Variants in AS3MT observed in about 807,000 individuals in gnomAD.
AS3MT encodes the protein arsenite methyltransferase.
In AS3MT, 47 loss-of-function variants were observed where a neutral mutation model predicts 45.3. That is an observed-to-expected ratio of 1.04 (90% CI 0.82 to 1.32). The LOEUF (loss-of-function observed/expected upper bound fraction) is 1.32, where lower values mean the gene tolerates loss of function less well. Among genes scored for constraint, AS3MT ranks in the 40% most tolerant of loss-of-function variants. The pLI is 0.00. For missense variants in AS3MT, 396 were observed against 451.1 expected, an observed-to-expected ratio of 0.88 and a Z score of 1.11; for synonymous variants, 141 against 152.8, an observed-to-expected ratio of 0.92 and a Z score of 0.57.
At chr10:102,883,181 A>T (rs1844894615) in intron 9 of AS3MT, among the ~76,000 whole-genome samples, 1 of 150,980 alleles carries the variant, frequency 6.6e-6, no homozygotes, top group South Asian at 2.1e-4. Context: ...GCTCACTGCA[A>T]CCTCAGCCTC....
chr10:102,874,430 T>G (rs1194563899), intron 5 of AS3MT, among the ~76,000 whole-genome samples, 162 bp from the exon 6 acceptor site: 1 of 152,192 alleles, frequency 6.6e-6, no homozygotes, highest in Admixed American at 6.5e-5. Context: ...GTCTCTGATC[T>G]TGGGGAAAAG....
At chr10:102,877,660 C>T (rs1844805007) in intron 7 of AS3MT, among the ~76,000 whole-genome samples, 2 of 150,848 alleles carry the variant, frequency 1.3e-5, no homozygotes, top group African/African-American at 2.4e-5. Flanking sequence ...ATTGCTTGAG[C>T]CTAGGAGTTC....
At chr10:102,885,560 C>T (rs1284406320) in intron 9 of AS3MT, among the ~76,000 whole-genome samples, 5 of 50,232 alleles carry the variant, frequency 1.0e-4, no homozygotes, top group African/African-American at 1.6e-4. Context: ...GACGGAGTCT[C>T]GCTCTGTCGC....
chr10:102,885,402 C>T (rs1413618559), intron 9 of AS3MT, among the ~76,000 whole-genome samples: 1 of 150,948 alleles, frequency 6.6e-6, no homozygotes, highest in African/African-American at 2.4e-5. Context: ...GATCTTGGCT[C>T]ACTGAAACCT....
chr10:102,879,890 A>ATG (rs1844847118), intron 9 of AS3MT, among the ~76,000 whole-genome samples: 1 of 131,472 alleles, frequency 7.6e-6, no homozygotes, highest in Admixed American at 7.8e-5. Flanking sequence ...GTGTGTTTAT[A>ATG]TGTGTATATA....
Position 102,888,881 on chromosome 10 carries a change from A to ATTTTTTTT in AS3MT, c.886-1653_886-1646dup, listed in dbSNP as rs869038434. On this transcript the variant is annotated intron_variant, in intron 9 of 10. Coordinates refer to ENST00000369880, the MANE Select transcript of AS3MT (RefSeq NM_020682.4). Reference sequence around the variant, plus strand: ...TATATATATATATATATATATATATATTTTTTTTTTTTTTTTTGAGACGGA... The same window carrying ATTTTTTTT: ...TATATATATATATATATATATATATATTTTTTTTTTTTTTTTTTTTTTTTTGAGACGGA... Among the ~76,000 whole-genome samples, 77 of 52,514 alleles carry ATTTTTTTT rather than the reference A, an allele frequency of 1.5e-3. 2 individuals are homozygous for ATTTTTTTT. Among genetic ancestry groups the ATTTTTTTT allele is most frequent in the African/African-American group, 2.1e-3 (30 of 14,368 alleles). 34.5% of individuals were successfully genotyped at this position (52,514 alleles called of 152,430 possible). A position where few individuals can be genotyped will look rare whatever the true frequency, so the allele number is the denominator to read the frequency against.
chr10:102,873,047 T>G (rs1844719919), intron 4 of AS3MT, 50 bp from the exon 5 acceptor site: 4 of 1,459,950 alleles, frequency 2.7e-6, no homozygotes, highest in Non-Finnish European at 3.7e-6. Flanking sequence ...TAGGAAAAAG[T>G]TGTGTATTTT....
intron 10 of AS3MT, among the ~76,000 whole-genome samples, chr10:102,893,137 A>G (rs971490232): frequency 3.3e-5 from 5 of 151,528 alleles, no homozygotes; most frequent in African/African-American, 1.2e-4. Flanking sequence ...TGTTTTGTAT[A>G]GCTAATTGCT....
chr10:102,873,790 A>C (rs1282961697), intron 5 of AS3MT, among the ~76,000 whole-genome samples: 1 of 152,248 alleles, frequency 6.6e-6, no homozygotes, highest in Non-Finnish European at 1.5e-5. Flanking sequence ...AAAGACCAGC[A>C]GGACCACTAA....
chr10:102,894,847 C>T (rs897584584), intron 10 of AS3MT, among the ~76,000 whole-genome samples: 1 of 152,158 alleles, frequency 6.6e-6, no homozygotes, highest in Admixed American at 6.5e-5. Flanking sequence ...TTTGAATCTG[C>T]CTGTGACCTG....
At chr10:102,894,253 G>A (rs111863714) in intron 10 of AS3MT, among the ~76,000 whole-genome samples, 17 of 151,638 alleles carry the variant, frequency 1.1e-4, no homozygotes, top group African/African-American at 3.6e-4. Context: ...GTGAAACCCC[G>A]TCTCTACTAA....
chr10:102,874,474 G>C, intron 5 of AS3MT, 118 bp from the exon 6 acceptor site: 1 of 678,130 alleles, frequency 1.5e-6, no homozygotes, highest in Non-Finnish European at 2.6e-6. Context: ...GAGGAGGGAG[G>C]CGGTAAGAAT....
intron 9 of AS3MT, among the ~76,000 whole-genome samples, chr10:102,885,149 C>T (rs1359401926): frequency 1.3e-5 from 2 of 152,066 alleles, no homozygotes; most frequent in Non-Finnish European, 2.9e-5. Context: ...CCCCACTCTA[C>T]CTGGCGTCTG....
rs367981540 is a variant in AS3MT at position 102,882,967 on chromosome 10, G to A, written c.885+3976G>A. ...TTTCACTAATGCACTGCTCCTTGAT[G>A]TGCTGCCTATTCCAGTAGATACACA... On this transcript the variant is annotated intron_variant, in intron 9 of 10. Coordinates refer to ENST00000369880, the MANE Select transcript of AS3MT (RefSeq NM_020682.4). Among the ~76,000 whole-genome samples the A allele has an allele frequency of 7.9e-5, 12 of 152,282 alleles. No homozygotes were observed. In the East Asian group the frequency reaches 1.5e-3, roughly 20 times the overall value.
At chr10:102,880,212 T>C (rs17115203) in intron 9 of AS3MT, among the ~76,000 whole-genome samples, 3,215 of 152,278 alleles carry the variant, frequency 0.021, 84 homozygotes, top group East Asian at 0.074. Context: ...GCCCTGTGCA[T>C]AGTAAGATTT....
At chr10:102,877,098 T>C (rs3740392) in intron 7 of AS3MT, 63 bp downstream of exon 7, 370,792 of 1,481,194 alleles carry the variant, frequency 0.25, 47,616 homozygotes, top group Middle Eastern at 0.33. Context: ...AACTCCTTTC[T>C]GCTAATAGCC....
chr10:102,881,734 T>A lies in AS3MT; in HGVS notation c.885+2743T>A, dbSNP rs1328335183. On this transcript the variant is annotated intron_variant, in intron 9 of 10. Coordinates refer to ENST00000369880, the MANE Select transcript of AS3MT (RefSeq NM_020682.4). This position sits in a 1 kb window ranked among gnomAD's most constrained non-coding sequence, Gnocchi z 4.2. ...ACTATTAATATTTCATTTTTCTGATTTATTTATTTATCTATTTTAGAGACA... is the reference window on the plus strand; with the variant it reads ...ACTATTAATATTTCATTTTTCTGATATATTTATTTATCTATTTTAGAGACA... Among the ~76,000 whole-genome samples, 1 of 151,986 alleles carries A rather than the reference T, an allele frequency of 6.6e-6. No homozygotes were observed. The highest frequency in any genetic ancestry group is 1.5e-5 in the Non-Finnish European group (1 of 67,998).
intron 10 of AS3MT, among the ~76,000 whole-genome samples, chr10:102,892,284 C>T (rs1046072551): frequency 6.6e-6 from 1 of 152,080 alleles, no homozygotes; most frequent in Non-Finnish European, 1.5e-5. Context: ...GTTAGAGAAT[C>T]CCCCGTTTGG....
chr10:102,898,924 A>T (rs1476662100), intron 10 of AS3MT, among the ~76,000 whole-genome samples: 2 of 152,176 alleles, frequency 1.3e-5, no homozygotes, highest in African/African-American at 4.8e-5. Flanking sequence ...CCATCTCTCC[A>T]TAGTTGTACT....
Sources: allele counts gnomAD v4.1 joint callset (sites outside exome capture counted in the v4.1 genomes callset), GRCh38; gene constraint gnomAD v4.1.1; non-coding constraint Gnocchi (gnomAD v3.1); transcripts MANE v1.5; gene names NCBI Gene and HGNC (gene_info 2026-07-23, HGNC 2026-07-21).